The following ARHGAP15 variants were observed in gnomAD, a reference collection of about 807,000 sequenced individuals.
The protein encoded by ARHGAP15 is Rho GTPase activating protein 15, also known as rho GTPase-activating protein 15.
A neutral mutation model predicts 63.7 loss-of-function variants in ARHGAP15; 51 were observed. That is an observed-to-expected ratio of 0.80 (90% CI 0.64 to 1.01). The LOEUF is 1.01. Ranked by LOEUF, ARHGAP15 falls within the 50% of genes least tolerant of loss-of-function variation. The pLI is 0.00. For missense variants in ARHGAP15, 560 were observed against 564.6 expected (o/e 0.99, Z 0.08); for synonymous variants, 191 against 193.8 (o/e 0.99, Z 0.12).
At chr2:143,174,004 T>C (rs1690910527) in intron 2 of ARHGAP15, among the ~76,000 whole-genome samples, 1 of 152,102 alleles carries the variant, frequency 6.6e-6, no homozygotes, top group Non-Finnish European at 1.5e-5. Context: ...TGCATTCTCT[T>C]ATTGAACGAT....
At chr2:143,525,043 C>A (rs1364720248) in intron 10 of ARHGAP15, among the ~76,000 whole-genome samples, 2 of 152,120 alleles carry the variant, frequency 1.3e-5, no homozygotes, top group African/African-American at 4.8e-5. Context: ...TTTCCCGTTG[C>A]CTTTGAATCC....
At chr2:143,158,300 G>T (rs879802476) in intron 2 of ARHGAP15, among the ~76,000 whole-genome samples, 1 of 151,674 alleles carries the variant, frequency 6.6e-6, no homozygotes, top group African/African-American at 2.4e-5. Flanking sequence ...TGTATATGTC[G>T]TAAAAGCTTT....
intron 6 of ARHGAP15, among the ~76,000 whole-genome samples, chr2:143,318,996 T>A (rs1297160731): frequency 6.6e-6 from 1 of 152,148 alleles, no homozygotes; most frequent in African/African-American, 2.4e-5. Flanking sequence ...TGAAATTTTT[T>A]CTTAATCTCT....
intron 12 of ARHGAP15, among the ~76,000 whole-genome samples, chr2:143,628,646 T>A (rs1044575724): frequency 1.3e-5 from 2 of 152,144 alleles, no homozygotes; most frequent in Non-Finnish European, 2.9e-5. Flanking sequence ...GACTCTCCTT[T>A]CTTTGCTTTT....
At chr2:143,433,292 C>T (rs1244394546) in intron 6 of ARHGAP15, among the ~76,000 whole-genome samples, 1 of 152,028 alleles carries the variant, frequency 6.6e-6, no homozygotes, top group Non-Finnish European at 1.5e-5. Context: ...CAATTACTGA[C>T]TGTAATTAAG....
intron 6 of ARHGAP15, among the ~76,000 whole-genome samples, chr2:143,345,744 T>A (rs925807055): frequency 1.3e-5 from 2 of 152,160 alleles, no homozygotes; most frequent in Admixed American, 1.3e-4. Flanking sequence ...CATATGAATT[T>A]GTGTTTGCAA....
chr2:143,151,829 T>C (rs1428678093), intron 1 of ARHGAP15, among the ~76,000 whole-genome samples: 2 of 151,816 alleles, frequency 1.3e-5, no homozygotes, highest in African/African-American at 4.8e-5. Context: ...CAGCCCTGTC[T>C]AATTGGAATG....
intron 6 of ARHGAP15, among the ~76,000 whole-genome samples, chr2:143,288,043 C>T (rs1682197373): frequency 6.6e-6 from 1 of 152,166 alleles, no homozygotes; most frequent in Admixed American, 6.5e-5. Flanking sequence ...AGAACTCATA[C>T]ACCTTGGCAC....
chr2:143,735,852 T>C (rs1685724837), intron 13 of ARHGAP15, among the ~76,000 whole-genome samples: 1 of 152,214 alleles, frequency 6.6e-6, no homozygotes, highest in Non-Finnish European at 1.5e-5. Context: ...TTTCAATCAA[T>C]AGACATAAAT....
intron 10 of ARHGAP15, among the ~76,000 whole-genome samples, chr2:143,542,359 T>C (rs1385924243): frequency 6.6e-6 from 1 of 152,030 alleles, no homozygotes; most frequent in African/African-American, 2.4e-5. Flanking sequence ...CTTCGGCTCA[T>C]GCACGGTGCA....
intron 11 of ARHGAP15, among the ~76,000 whole-genome samples, chr2:143,591,084 G>A (rs1697302853): frequency 1.3e-5 from 2 of 152,060 alleles, no homozygotes; most frequent in South Asian, 4.2e-4. Flanking sequence ...GTCCTAGTGA[G>A]AACTACATGA....
At chr2:143,646,172 G>C (rs1216759436) in intron 12 of ARHGAP15, among the ~76,000 whole-genome samples, 4 of 152,042 alleles carry the variant, frequency 2.6e-5, no homozygotes, top group African/African-American at 9.7e-5. Flanking sequence ...CATAATAAAT[G>C]TATGAAGGGC....
intron 3 of ARHGAP15, among the ~76,000 whole-genome samples, chr2:143,212,847 T>C (rs571476192): frequency 6.6e-6 from 1 of 152,196 alleles, no homozygotes; most frequent in African/African-American, 2.4e-5. Flanking sequence ...TGGTGACGTA[T>C]TTCAAACTAT....
chr2:143,253,103 C>T (rs1489717949), intron 6 of ARHGAP15, among the ~76,000 whole-genome samples: 1 of 151,882 alleles, frequency 6.6e-6, no homozygotes, highest in Non-Finnish European at 1.5e-5. Context: ...CAATCTCAGT[C>T]TATGAATTAT....
chr2:143,541,381 A>C (rs899626123), intron 10 of ARHGAP15, among the ~76,000 whole-genome samples: 2 of 152,156 alleles, frequency 1.3e-5, no homozygotes, highest in African/African-American at 4.8e-5. Flanking sequence ...TCAACTCGTC[A>C]AAGTCATTCT....
At chr2:143,621,420 C>G (rs1195127782) in intron 11 of ARHGAP15, among the ~76,000 whole-genome samples, 1 of 152,124 alleles carries the variant, frequency 6.6e-6, no homozygotes, top group Admixed American at 6.5e-5. Context: ...CATGAGAAGG[C>G]ATACTATATG....
intron 6 of ARHGAP15, among the ~76,000 whole-genome samples, chr2:143,403,675 A>AAAAAGACTG (rs1207214834): frequency 6.6e-6 from 1 of 151,884 alleles, no homozygotes; most frequent in Non-Finnish European, 1.5e-5. Flanking sequence ...AACAGACCAG[A>AAAAAGACTG]AAAAGACTGG....
In ARHGAP15 at chr2:143,666,389, G is replaced by C. The variant is rs569263926; in HGVS notation, c.1139-37030G>C. ...ATATGTACAAAGCTGAAACTGTATC[G>C]CTTCCTTACACCTTATACAAAAATC... On this transcript the variant is annotated intron_variant, in intron 12 of 13. Coordinates refer to ENST00000295095, the MANE Select transcript of ARHGAP15 (RefSeq NM_018460.4). 7.2e-4 allele frequency among the ~76,000 whole-genome samples: 110 copies of C among 152,130 alleles called. 1 individual carries two copies. The highest frequency in any genetic ancestry group is 1.7e-3 in the African/African-American group (72 of 41,468).
Position 143,228,568 on chromosome 2 carries a change from T to G in ARHGAP15, c.297-13T>G, listed in dbSNP as rs757085970. 2.5e-6 allele frequency: 4 copies of G among 1,576,698 alleles called. No individual in the cohort carries two copies. On this transcript the variant is annotated splice_polypyrimidine_tract_variant and intron_variant, in intron 4 of 13. Coordinates refer to ENST00000295095, the MANE Select transcript of ARHGAP15 (RefSeq NM_018460.4). The stretch of plus-strand genomic sequence containing the variant: ...GATAATGCTTTCTTTCCCTTTTATT[T>G]TTTTGTCCTAAGGAAAAACTGGTCT...
Sources: allele counts gnomAD v4.1 joint callset (sites outside exome capture counted in the v4.1 genomes callset), GRCh38; gene constraint gnomAD v4.1.1; transcripts MANE v1.5; gene names NCBI Gene and HGNC (gene_info 2026-07-23, HGNC 2026-07-21).